PDE11A: variants seen among roughly 807,000 people sequenced by gnomAD.
The protein encoded by PDE11A is phosphodiesterase 11A.
Under a neutral mutation model 100.5 loss-of-function variants are expected in PDE11A, and 100 were observed. That is an observed-to-expected ratio of 1.00 (90% CI 0.85 to 1.18). The LOEUF is 1.18. Ranked by LOEUF, PDE11A falls within the 50% of genes most tolerant of loss-of-function variation. The pLI is 0.00. For missense variants in PDE11A, 1,141 were observed against 1,152.6 expected (o/e 0.99, Z 0.15); for synonymous variants, 381 against 420.8 (o/e 0.91, Z 1.16).
intron 2 of PDE11A, among the ~76,000 whole-genome samples, chr2:177,916,732 T>C (rs1376393735): frequency 6.7e-6 from 1 of 148,576 alleles, no homozygotes. Flanking sequence ...AAGGTTCTTT[T>C]TATTTTATTT....
At chr2:178,041,653 A>G (rs1053754064) in intron 1 of PDE11A, among the ~76,000 whole-genome samples, 2 of 152,238 alleles carry the variant, frequency 1.3e-5, no homozygotes, top group Admixed American at 6.5e-5. Flanking sequence ...TTTTTTTTCC[A>G]AAAATGGTAG....
At chr2:177,738,682 C>T (rs2081829472) in intron 10 of PDE11A, among the ~76,000 whole-genome samples, 1 of 152,156 alleles carries the variant, frequency 6.6e-6, no homozygotes, top group South Asian at 2.1e-4. Context: ...CCTCACTGAC[C>T]CTCCCTGCTG....
intron 9 of PDE11A, among the ~76,000 whole-genome samples, chr2:177,782,347 T>C (rs1283590323): frequency 1.3e-5 from 2 of 152,204 alleles, no homozygotes; most frequent in Non-Finnish European, 2.9e-5. Flanking sequence ...TTTAAACCAT[T>C]AAGTTGCCAA....
At chr2:177,819,265 T>C (rs1294526069) in intron 7 of PDE11A, among the ~76,000 whole-genome samples, 2 of 152,070 alleles carry the variant, frequency 1.3e-5, no homozygotes, top group East Asian at 3.8e-4. Flanking sequence ...TGAAAAACAT[T>C]ATCTCAGAAT....
chr2:177,693,884 A>G (rs1020945658), intron 15 of PDE11A, among the ~76,000 whole-genome samples: 2 of 152,224 alleles, frequency 1.3e-5, no homozygotes, highest in Non-Finnish European at 2.9e-5. Context: ...CGATTCCACA[A>G]TTGCACATTT....
At chr2:177,753,102 A>G (rs920533915) in intron 10 of PDE11A, among the ~76,000 whole-genome samples, 3 of 152,218 alleles carry the variant, frequency 2.0e-5, no homozygotes, top group Non-Finnish European at 4.4e-5. Flanking sequence ...AATTAGGCTC[A>G]AGTCCACAAC....
intron 4 of PDE11A, 138 bp downstream of exon 4, chr2:177,897,920 G>T (rs2084634503): frequency 1.4e-6 from 1 of 715,252 alleles, no homozygotes; most frequent in Non-Finnish European, 2.4e-6. Context: ...TAAAAAACTT[G>T]TTTGATGAAA....
intron 10 of PDE11A, among the ~76,000 whole-genome samples, chr2:177,756,388 T>C (rs2082091074): frequency 6.6e-6 from 1 of 152,196 alleles, no homozygotes; most frequent in Non-Finnish European, 1.5e-5. Context: ...TAAATTCATA[T>C]TGGAGAAATG....
intron 19 of PDE11A, among the ~76,000 whole-genome samples, chr2:177,649,465 G>T (rs1286940235): frequency 6.6e-6 from 1 of 152,020 alleles, no homozygotes; most frequent in Non-Finnish European, 1.5e-5. Flanking sequence ...CTTCTGCATG[G>T]AGACTGAAAA....
intron 5 of PDE11A, among the ~76,000 whole-genome samples, chr2:177,856,213 T>G (rs1264688682): frequency 2.6e-5 from 4 of 151,992 alleles, no homozygotes; most frequent in Non-Finnish European, 4.4e-5. Flanking sequence ...AATACAGACT[T>G]CAAAGAATTA....
chr2:177,928,611 T>C (rs2085163275), intron 2 of PDE11A, among the ~76,000 whole-genome samples: 1 of 152,234 alleles, frequency 6.6e-6, no homozygotes, highest in Non-Finnish European at 1.5e-5. Flanking sequence ...GAATTAACTT[T>C]GTTTAAAATA....
intron 2 of PDE11A, among the ~76,000 whole-genome samples, chr2:177,918,552 A>C (rs2084988335): frequency 6.6e-6 from 1 of 152,192 alleles, no homozygotes; most frequent in Non-Finnish European, 1.5e-5. Context: ...TGTAGGGAAA[A>C]GCAATAAGGC....
At chr2:177,883,174 C>T (rs2084373045) in intron 4 of PDE11A, among the ~76,000 whole-genome samples, 1 of 151,056 alleles carries the variant, frequency 6.6e-6, no homozygotes, top group South Asian at 2.1e-4. Flanking sequence ...CAGGCTGAGG[C>T]AGGAGAATCG....
chr2:178,023,835 C>G (rs2086444023), intron 1 of PDE11A, among the ~76,000 whole-genome samples: 2 of 151,942 alleles, frequency 1.3e-5, no homozygotes, highest in Admixed American at 6.6e-5. Context: ...GAGAAGATTA[C>G]AGAGAAAAAT....
At position 177,903,211 on chromosome 2, in the gene PDE11A, T is replaced by C. The variant is rs913692897; in HGVS notation, c.1161+1887A>G. Among the ~76,000 whole-genome samples the C allele has an allele frequency of 2.0e-5, 3 of 152,214 alleles. No individual in the cohort carries two copies. The South Asian group carries it at 6.2e-4, about 32-fold the overall frequency. On this transcript the variant is annotated intron_variant, in intron 3 of 19. Transcript: ENST00000286063. ...GTGTTTGGTATTCCATGGCCAGAAA[T>C]GCTCTCCGCAGACCTTTATGTGGCT...
At chr2:177,936,300 G>GT (rs1466472992) in intron 2 of PDE11A, among the ~76,000 whole-genome samples, 1 of 152,058 alleles carries the variant, frequency 6.6e-6, no homozygotes, top group African/African-American at 2.4e-5. Flanking sequence ...CTGTATTTTG[G>GT]TATTTGTGTG....
intron 2 of PDE11A, among the ~76,000 whole-genome samples, chr2:177,966,810 A>G (rs2695749): frequency 0.56 from 85,532 of 151,958 alleles, 26,748 homozygotes; most frequent in African/African-American, 0.84. Context: ...TATGCCTGAA[A>G]TTTTCTTTTT....
intron 2 of PDE11A, chr2:177,998,407 A>G: frequency 4.5e-6 from 4 of 888,860 alleles, no homozygotes; most frequent in Non-Finnish European, 7.7e-6. Context: ...AATATACTCA[A>G]CAGGGCATTG....
chr2:178,025,331 G>A (rs1380621617), intron 1 of PDE11A, among the ~76,000 whole-genome samples: 1 of 152,154 alleles, frequency 6.6e-6, no homozygotes, highest in Non-Finnish European at 1.5e-5. Context: ...AAATAGAATT[G>A]GTGGTTGATA....
Sources: gnomAD v4.1 joint callset for allele counts (sites outside exome capture counted in the v4.1 genomes callset) on GRCh38, gnomAD v4.1.1 for gene constraint, MANE v1.5 for transcripts, NCBI Gene and HGNC (gene_info 2026-07-23, HGNC 2026-07-21) for gene names.